The following CDH4 variants were observed in gnomAD, a reference collection of about 807,000 sequenced individuals.
CDH4 encodes the protein cadherin 4, also known as cadherin-4.
In CDH4, 33 loss-of-function variants were observed where a neutral mutation model predicts 86.0. That is an observed-to-expected ratio of 0.38 (90% CI 0.29 to 0.51). The LOEUF (loss-of-function observed/expected upper bound fraction) is 0.51, where lower values mean the gene tolerates loss of function less well. CDH4 is among the 20% of genes least tolerant of loss of function. The pLI, the probability that CDH4 is intolerant of heterozygous loss-of-function variation, is 0.86. For missense variants in CDH4, 1,114 were observed against 1,307.4 expected (o/e 0.85, Z 2.28); for synonymous variants, 555 against 549.4 (o/e 1.01, Z -0.14).
chr20:61,483,592 CG>C (rs2085579615), intron 2 of CDH4, among the ~76,000 whole-genome samples: 1 of 152,112 alleles, frequency 6.6e-6, no homozygotes, highest in Non-Finnish European at 1.5e-5. Context: ...GCCCTTGCTT[CG>C]GGGTGGCCCT....
At chr20:61,600,852 C>A (rs1163266961) in intron 2 of CDH4, among the ~76,000 whole-genome samples, 2 of 152,124 alleles carry the variant, frequency 1.3e-5, no homozygotes, top group African/African-American at 2.4e-5. Context: ...TTTCGGTCCT[C>A]AGTTGGTTGA....
chr20:61,884,842 G>T (rs998639261), intron 7 of CDH4, among the ~76,000 whole-genome samples: 1 of 152,160 alleles, frequency 6.6e-6, no homozygotes, highest in African/African-American at 2.4e-5. Context: ...TGGGGGCGGG[G>T]AAGGCTTCCT....
At chr20:61,705,127 T>C (rs2087815798) in intron 2 of CDH4, among the ~76,000 whole-genome samples, 1 of 152,206 alleles carries the variant, frequency 6.6e-6, no homozygotes, top group Non-Finnish European at 1.5e-5. Flanking sequence ...ACAGGGGCCT[T>C]GTGCCTAGAC....
intron 2 of CDH4, among the ~76,000 whole-genome samples, chr20:61,283,624 C>T (rs1042541853): frequency 6.6e-6 from 1 of 152,110 alleles, no homozygotes; most frequent in Non-Finnish European, 1.5e-5. Flanking sequence ...CACGTGTGTG[C>T]TGTGGTGTGT....
intron 2 of CDH4, among the ~76,000 whole-genome samples, chr20:61,629,646 G>A (rs73304693): frequency 0.046 from 7,072 of 152,328 alleles, 214 homozygotes; most frequent in Middle Eastern, 0.082. Context: ...TAAGGCGGCC[G>A]CGGTTTTTCC....
intron 2 of CDH4, among the ~76,000 whole-genome samples, chr20:61,650,273 T>A (rs2087107624): frequency 6.6e-6 from 1 of 152,182 alleles, no homozygotes. Flanking sequence ...GCTGACCTCG[T>A]TTACTGTTCA....
At chr20:61,632,117 G>T (rs897803535) in intron 2 of CDH4, among the ~76,000 whole-genome samples, 1 of 152,250 alleles carries the variant, frequency 6.6e-6, no homozygotes, top group Non-Finnish European at 1.5e-5. Context: ...GCACACCGGG[G>T]CAGGCTCTGA....
intron 9 of CDH4, among the ~76,000 whole-genome samples, chr20:61,922,552 G>T (rs140260656): frequency 9.1e-4 from 138 of 152,322 alleles, no homozygotes; most frequent in African/African-American, 3.2e-3. Context: ...TACAACAATA[G>T]AACTGTCTTC....
At chr20:61,692,841 G>A (rs934175862) in intron 2 of CDH4, among the ~76,000 whole-genome samples, 10 of 144,038 alleles carry the variant, frequency 6.9e-5, no homozygotes, top group Admixed American at 2.1e-4. Context: ...TTTGTTTTTT[G>A]TTTTTTTTTT....
chr20:61,784,420 A>G (rs368577745), intron 4 of CDH4, among the ~76,000 whole-genome samples: 6 of 10,616 alleles, frequency 5.7e-4, no homozygotes, highest in African/African-American at 9.3e-4. Flanking sequence ...AGGCCCTCAG[A>G]TGTCCTGTGC....
intron 2 of CDH4, among the ~76,000 whole-genome samples, chr20:61,412,367 A>T (rs2085124274): frequency 6.6e-6 from 1 of 152,140 alleles, no homozygotes; most frequent in Non-Finnish European, 1.5e-5. Context: ...CCACGGTGGG[A>T]ATATTTACAT....
chr20:61,436,117 G>A (rs2085280217), intron 2 of CDH4, among the ~76,000 whole-genome samples: 1 of 152,046 alleles, frequency 6.6e-6, no homozygotes, highest in Admixed American at 6.5e-5. Context: ...TCCCAGTGGA[G>A]CTGGCCCTGC....
intron 2 of CDH4, among the ~76,000 whole-genome samples, chr20:61,312,347 T>C (rs920824521): frequency 9.9e-5 from 15 of 151,650 alleles, no homozygotes; most frequent in Non-Finnish European, 1.8e-4. Context: ...ATGTGTGCGA[T>C]GTGTACATTT....
intron 2 of CDH4, among the ~76,000 whole-genome samples, chr20:61,728,501 G>A (rs1473855092): frequency 6.6e-6 from 1 of 152,154 alleles, no homozygotes; most frequent in African/African-American, 2.4e-5. Flanking sequence ...TGAGGGTGGG[G>A]AGTGGCAGTG....
chr20:61,643,804 A>G (rs958889163), intron 2 of CDH4, among the ~76,000 whole-genome samples: 5 of 152,252 alleles, frequency 3.3e-5, no homozygotes, highest in African/African-American at 1.2e-4. Context: ...CCCTTTCCTT[A>G]ATCCATCTGA....
intron 2 of CDH4, among the ~76,000 whole-genome samples, chr20:61,270,940 G>A (rs1421093946): frequency 6.6e-6 from 1 of 152,104 alleles, no homozygotes; most frequent in Non-Finnish European, 1.5e-5. Flanking sequence ...AACTTTCTGA[G>A]GCACATCTTT....
At chr20:61,275,253 G>GA (rs2084222393) in intron 2 of CDH4, among the ~76,000 whole-genome samples, 1 of 143,824 alleles carries the variant, frequency 7.0e-6, no homozygotes, top group African/African-American at 2.6e-5. Flanking sequence ...GGAATACCGT[G>GA]TGCAGTTTGG....
intron 2 of CDH4, among the ~76,000 whole-genome samples, chr20:61,704,838 C>A (rs1360943901): frequency 6.6e-6 from 1 of 152,188 alleles, no homozygotes; most frequent in East Asian, 1.9e-4. Flanking sequence ...ATGCCAGTAG[C>A]ACCACCCCCA....
chr20:61,605,274 G>GC (rs2086633952), intron 2 of CDH4, among the ~76,000 whole-genome samples: 1 of 152,104 alleles, frequency 6.6e-6, no homozygotes, highest in Non-Finnish European at 1.5e-5. Flanking sequence ...GTGAAGCAAG[G>GC]CCCAGGGCCC....
Sources: gnomAD v4.1 joint callset for allele counts (sites outside exome capture counted in the v4.1 genomes callset) on GRCh38, gnomAD v4.1.1 for gene constraint, MANE v1.5 for transcripts, NCBI Gene and HGNC (gene_info 2026-07-23, HGNC 2026-07-21) for gene names.